RGS3: variants seen among roughly 807,000 people sequenced by gnomAD.
RGS3 encodes regulator of G protein signaling 3.
A neutral mutation model predicts 132.6 loss-of-function variants in RGS3; 80 were observed. The observed-to-expected ratio is 0.60, with a 90% confidence interval of 0.50 to 0.73. The LOEUF (loss-of-function observed/expected upper bound fraction) is 0.73, where lower values mean the gene tolerates loss of function less well. Ranked by LOEUF, RGS3 falls within the 30% of genes least tolerant of loss-of-function variation. The probability of loss-of-function intolerance (pLI) is 0.00; values close to 1 mark genes in which losing one functional copy is unlikely to be tolerated. For missense variants in RGS3, 1,382 were observed against 1,530.8 expected, an observed-to-expected ratio of 0.90 and a Z score of 1.62; for synonymous variants, 598 against 620.6, an observed-to-expected ratio of 0.96 and a Z score of 0.54.
intron 17 of RGS3, among the ~76,000 whole-genome samples, chr9:113,526,172 C>T (rs895938329): frequency 1.3e-5 from 2 of 152,228 alleles, no homozygotes; most frequent in African/African-American, 4.8e-5. Flanking sequence ...TCTGGTGTCT[C>T]AGAAGTGGCC....
intron 24 of RGS3, 129 bp downstream of exon 22, chr9:113,595,894 C>A: frequency 1.0e-6 from 1 of 992,344 alleles, no homozygotes; most frequent in Non-Finnish European, 1.5e-6. Context: ...AGGTACCCAG[C>A]AGGGAAGATG....
chr9:113,513,346 G>A (rs1564511632), intron 14 of RGS3, among the ~76,000 whole-genome samples: 2 of 152,138 alleles, frequency 1.3e-5, no homozygotes, highest in Non-Finnish European at 2.9e-5. Flanking sequence ...GGGTGGTCTT[G>A]TTTCTCTGTT....
intron 19 of RGS3, chr9:113,581,991 C>T: frequency 3.1e-6 from 3 of 982,040 alleles, no homozygotes; most frequent in Non-Finnish European, 3.6e-6. Context: ...CTCTGCAGGG[C>T]TCCACTTTCA....
chr9:113,583,908 C>T (rs755926774), exon 20 of RGS3: 5 of 1,613,998 alleles, frequency 3.1e-6, no homozygotes, highest in African/African-American at 1.3e-5. Flanking sequence ...TTACTGAGGA[C>T]ACCATGAGCT....
chr9:113,554,932 T>C (rs1018838242), intron 19 of RGS3, among the ~76,000 whole-genome samples: 5 of 152,214 alleles, frequency 3.3e-5, no homozygotes, highest in Non-Finnish European at 7.3e-5. Context: ...TCAGCTACTT[T>C]TATTCTTTTA....
intron 4 of RGS3, among the ~76,000 whole-genome samples, chr9:113,481,283 C>T (rs377712869): frequency 6.6e-6 from 1 of 152,212 alleles, no homozygotes; most frequent in African/African-American, 2.4e-5. Flanking sequence ...TGTGTCTGGC[C>T]TCTCTGCCAG....
intron 4 of RGS3, 109 bp from the exon 3 acceptor site, chr9:113,482,950 C>T: frequency 6.3e-7 from 1 of 1,584,750 alleles, no homozygotes; most frequent in South Asian, 1.1e-5. Context: ...CTTTTCTTTT[C>T]AGGTCTCTTT....
intron 9 of RGS3, 122 bp downstream of exon 7, chr9:113,497,526 G>T: frequency 7.5e-6 from 6 of 800,670 alleles, no homozygotes; most frequent in South Asian, 6.7e-5. Context: ...CAGCCTGCTG[G>T]GTGCAGGGAC....
intron 18 of RGS3, 36 bp from the exon 17 acceptor site, chr9:113,536,760 C>T (rs1285657650): frequency 3.1e-6 from 5 of 1,607,686 alleles, no homozygotes; most frequent in Admixed American, 1.7e-5. Flanking sequence ...AGGGAGCAGC[C>T]CTGACCGTCC....
At chr9:113,568,610 G>T (rs186645580) in intron 19 of RGS3, among the ~76,000 whole-genome samples, 1 of 152,234 alleles carries the variant, frequency 6.6e-6, no homozygotes, top group Non-Finnish European at 1.5e-5. Flanking sequence ...TTCCCCAGGC[G>T]CCTCTGGGCA....
At chr9:113,564,879 C>T (rs56155263) in intron 19 of RGS3, 96,358 of 976,254 alleles carry the variant, frequency 0.099, 5,249 homozygotes, top group African/African-American at 0.19. Flanking sequence ...CAGTTGCAGC[C>T]TCCCACTGGG....
chr9:113,453,753 A>G (rs1396147867), intron 1 of RGS3, among the ~76,000 whole-genome samples: 1 of 140,084 alleles, frequency 7.1e-6, no homozygotes, highest in Non-Finnish European at 1.5e-5. Context: ...ATTATATAAT[A>G]TACTCATTAT....
chr9:113,472,230 G>A (rs1432142238), intron 3 of RGS3, among the ~76,000 whole-genome samples: 2 of 152,128 alleles, frequency 1.3e-5, no homozygotes, highest in Non-Finnish European at 2.9e-5. Flanking sequence ...ATTAAATGTA[G>A]AGTTTCCATT....
At chr9:113,578,824 C>T (rs1792370893) in intron 19 of RGS3, among the ~76,000 whole-genome samples, 1 of 152,184 alleles carries the variant, frequency 6.6e-6, no homozygotes, top group African/African-American at 2.4e-5. Context: ...AAGGACTTTA[C>T]AGTTCACAGA....
At chr9:113,457,906 TGAA>T (rs1829397459), upstream of RGS3, among the ~76,000 whole-genome samples, 1 of 151,828 alleles carries the variant, frequency 6.6e-6, no homozygotes, top group Non-Finnish European at 1.5e-5. Context: ...AGGAAAAAAA[TGAA>T]GATTTGTCAG....
At chr9:113,457,698 C>T (rs553721325), upstream of RGS3, among the ~76,000 whole-genome samples, 1 of 152,340 alleles carries the variant, frequency 6.6e-6, no homozygotes, top group South Asian at 2.1e-4. Context: ...CAACCTGATT[C>T]AGTTAACAAC....
chr9:113,563,157 G>A (rs1270494558), intron 19 of RGS3, among the ~76,000 whole-genome samples: 2 of 152,200 alleles, frequency 1.3e-5, no homozygotes, highest in Non-Finnish European at 2.9e-5. Flanking sequence ...AATGTATTCT[G>A]GACTCGTTCT....
intron 14 of RGS3, among the ~76,000 whole-genome samples, chr9:113,509,847 G>A (rs1831322563): frequency 6.6e-6 from 1 of 152,144 alleles, no homozygotes; most frequent in Admixed American, 6.5e-5. Context: ...TCTCCGGTCT[G>A]GGGCATTTGG....
chr9:113,591,878 C>CGA lies in RGS3; in HGVS notation c.3080+481_3080+482insGA. 1.2e-5 allele frequency: 2 copies of CGA among 170,522 alleles called. No homozygotes were observed. The highest frequency in any genetic ancestry group is 5.5e-5 in the Admixed American group (1 of 18,134). The allele number at this position is 170,522 out of a possible 1,614,324, so 10.6% of individuals were successfully genotyped here. A position where few individuals can be genotyped will look rare whatever the true frequency, so the allele number is the denominator to read the frequency against. On this transcript the variant is annotated intron_variant, in intron 21 of 24. Coordinates refer to ENST00000350696, the Ensembl canonical transcript of RGS3. This position sits in a 1 kb window ranked among gnomAD's most constrained non-coding sequence, Gnocchi z 4.4. Reference sequence around the variant, plus strand: ...CTGCCGAATCCCGCACTCGCCAAGCCTTTCTGGCCACACTCAGGCCTTCTT... The same window carrying CGA: ...CTGCCGAATCCCGCACTCGCCAAGCCGATTTCTGGCCACACTCAGGCCTTCTT...
Sources: allele counts gnomAD v4.1 joint callset (sites outside exome capture counted in the v4.1 genomes callset), GRCh38; gene constraint gnomAD v4.1.1; non-coding constraint Gnocchi (gnomAD v3.1); transcripts MANE v1.5; gene names NCBI Gene and HGNC (gene_info 2026-07-23, HGNC 2026-07-21).